ENTHD1: variants seen among roughly 807,000 people sequenced by gnomAD.
The protein encoded by ENTHD1 is ENTH domain containing 1.
Under a neutral mutation model 39.1 loss-of-function variants are expected in ENTHD1, and 23 were observed. The ratio of observed to expected loss-of-function variants is 0.59; its 90% CI spans 0.42 to 0.83. ENTHD1 has a LOEUF of 0.83. Ranked by LOEUF, ENTHD1 falls within the 40% of genes least tolerant of loss-of-function variation. The probability of loss-of-function intolerance (pLI) is 0.00; values close to 1 mark genes in which losing one functional copy is unlikely to be tolerated. For missense variants in ENTHD1, 624 were observed against 705.4 expected (o/e 0.88, Z 1.31); for synonymous variants, 230 against 258.2 (o/e 0.89, Z 1.05).
At chr22:39,849,188 C>A (rs1207642005) in intron 3 of ENTHD1, among the ~76,000 whole-genome samples, 1 of 152,180 alleles carries the variant, frequency 6.6e-6, no homozygotes, top group Non-Finnish European at 1.5e-5. Context: ...ACTTTTGATT[C>A]TTCCAGGTAA....
chr22:39,875,068 C>T (rs1237471867), intron 2 of ENTHD1, among the ~76,000 whole-genome samples: 1 of 152,136 alleles, frequency 6.6e-6, no homozygotes, highest in Non-Finnish European at 1.5e-5. Flanking sequence ...CTATAAGCAT[C>T]CCAAATATTA....
At chr22:39,833,317 C>T (rs937189086) in intron 4 of ENTHD1, among the ~76,000 whole-genome samples, 6 of 152,090 alleles carry the variant, frequency 3.9e-5, no homozygotes, top group Non-Finnish European at 5.9e-5. Context: ...AAAAAGCAGC[C>T]ATTACCTCTA....
At chr22:39,851,602 A>T (rs974225055) in intron 3 of ENTHD1, among the ~76,000 whole-genome samples, 3 of 152,168 alleles carry the variant, frequency 2.0e-5, no homozygotes, top group African/African-American at 7.2e-5. Context: ...ACACTTTCTC[A>T]ATTCAGTCCC....
intron 5 of ENTHD1, among the ~76,000 whole-genome samples, chr22:39,793,403 G>T (rs367585279): frequency 6.7e-6 from 1 of 149,880 alleles, no homozygotes; most frequent in Admixed American, 6.6e-5. Context: ...TCCCTTGTTA[G>T]ATTAATAATT....
chr22:39,797,577 A>G (rs74952260), intron 5 of ENTHD1, among the ~76,000 whole-genome samples: 1 of 151,950 alleles, frequency 6.6e-6, no homozygotes, highest in Non-Finnish European at 1.5e-5. Flanking sequence ...AGAAATCAAC[A>G]TTTTGCTTCC....
chr22:39,792,548 A>G (rs914611304), intron 5 of ENTHD1, among the ~76,000 whole-genome samples: 1 of 152,138 alleles, frequency 6.6e-6, no homozygotes, highest in African/African-American at 2.4e-5. Context: ...CTGATGGTAT[A>G]TCTCCTTTAC....
intron 3 of ENTHD1, among the ~76,000 whole-genome samples, chr22:39,839,363 C>T (rs931098846): frequency 6.6e-6 from 1 of 151,988 alleles, no homozygotes; most frequent in Non-Finnish European, 1.5e-5. Flanking sequence ...AGGAGGAAAA[C>T]AACAATGTGC....
At chr22:39,876,866 T>A (rs1415407842) in intron 2 of ENTHD1, among the ~76,000 whole-genome samples, 1 of 152,210 alleles carries the variant, frequency 6.6e-6, no homozygotes, top group Non-Finnish European at 1.5e-5. Context: ...AAGGTATTAA[T>A]CATTCATTCA....
intron 6 of ENTHD1, among the ~76,000 whole-genome samples, chr22:39,764,853 C>T (rs2065262120): frequency 6.6e-6 from 1 of 151,766 alleles, no homozygotes; most frequent in Admixed American, 6.6e-5. Flanking sequence ...TGTGTATACA[C>T]CAATACACAT....
chr22:39,753,821 T>C (rs957786631), intron 6 of ENTHD1, among the ~76,000 whole-genome samples: 4 of 152,160 alleles, frequency 2.6e-5, no homozygotes, highest in Non-Finnish European at 5.9e-5. Flanking sequence ...GAAACCTGTT[T>C]TCCAAAATTA....
intron 3 of ENTHD1, among the ~76,000 whole-genome samples, chr22:39,840,768 T>C (rs2065937754): frequency 6.6e-6 from 1 of 152,152 alleles, no homozygotes; most frequent in Admixed American, 6.5e-5. Flanking sequence ...TCTTTTTTTT[T>C]TTTTGAGACG....
At chr22:39,748,659 G>C (rs985735753) in intron 6 of ENTHD1, among the ~76,000 whole-genome samples, 1 of 151,906 alleles carries the variant, frequency 6.6e-6, no homozygotes, top group African/African-American at 2.4e-5. Flanking sequence ...TCCTGACCTC[G>C]TGATCTGCCT....
intron 3 of ENTHD1, among the ~76,000 whole-genome samples, chr22:39,837,955 C>T (rs191842930): frequency 1.1e-4 from 16 of 152,256 alleles, no homozygotes; most frequent in Admixed American, 3.9e-4. Flanking sequence ...TCTGATTTGG[C>T]TAGTTGTCTT....
intron 5 of ENTHD1, among the ~76,000 whole-genome samples, chr22:39,781,983 G>C (rs920593203): frequency 1.3e-5 from 2 of 151,882 alleles, no homozygotes; most frequent in African/African-American, 4.8e-5. Context: ...ATCTCAATAA[G>C]CCAATAATAA....
rs2066190550 is a variant in ENTHD1, at chr22:39,867,206, G to GCCATCTTTTTAACA, written c.350-5200_350-5199insTGTTAAAAAGATGG. 6.6e-6 allele frequency among the ~76,000 whole-genome samples: 1 copy of GCCATCTTTTTAACA among 152,062 alleles called. No homozygotes were observed. The highest frequency in any genetic ancestry group is 2.4e-5 in the African/African-American group (1 of 41,424). ...GCGTGAGCCACCGCGCCCGGCCCGA[G>GCCATCTTTTTAACA]AAATCTATATACATTTACAGCTGAC... On this transcript the variant is annotated intron_variant, in intron 2 of 6. Transcript: ENST00000325157. This position sits in a 1 kb window ranked among gnomAD's most constrained non-coding sequence, Gnocchi z 4.5.
intron 4 of ENTHD1, among the ~76,000 whole-genome samples, chr22:39,835,262 C>A (rs547913257): frequency 6.6e-6 from 1 of 151,954 alleles, no homozygotes; most frequent in African/African-American, 2.4e-5. Flanking sequence ...GAAGGGCATA[C>A]GGGACTCTGT....
At chr22:39,805,569 GT>G (rs2065633972) in intron 5 of ENTHD1, among the ~76,000 whole-genome samples, 2 of 152,262 alleles carry the variant, frequency 1.3e-5, no homozygotes, top group South Asian at 4.1e-4. Context: ...AATGGGATCA[GT>G]TTCCCCTTAG....
chr22:39,795,166 G>A (rs778069389), intron 5 of ENTHD1, among the ~76,000 whole-genome samples: 2 of 152,154 alleles, frequency 1.3e-5, no homozygotes, highest in Non-Finnish European at 2.9e-5. Context: ...CAGTTTGCTA[G>A]TATTTTGTTG....
At chr22:39,764,024 A>G (rs2065255562) in intron 6 of ENTHD1, among the ~76,000 whole-genome samples, 1 of 152,186 alleles carries the variant, frequency 6.6e-6, no homozygotes, top group Non-Finnish European at 1.5e-5. Context: ...TTCAGTATCA[A>G]AAAAGTCTTG....
Sources: allele counts gnomAD v4.1 joint callset (sites outside exome capture counted in the v4.1 genomes callset), GRCh38; gene constraint gnomAD v4.1.1; non-coding constraint Gnocchi (gnomAD v3.1); transcripts MANE v1.5; gene names NCBI Gene and HGNC (gene_info 2026-07-23, HGNC 2026-07-21).